Variants in UNC13B observed in about 807,000 individuals in gnomAD.
The protein encoded by UNC13B is unc-13 homolog B.
In UNC13B, 144 loss-of-function variants were observed where a neutral mutation model predicts 211.0. The observed-to-expected ratio is 0.68, with a 90% CI of 0.60 to 0.78. The LOEUF (loss-of-function observed/expected upper bound fraction) is 0.78, where lower values mean the gene tolerates loss of function less well. Among genes scored for constraint, UNC13B ranks in the 30% least tolerant of loss-of-function variants. The pLI, the probability that UNC13B is intolerant of heterozygous loss-of-function variation, is 0.00. For synonymous variants in UNC13B, 709 were observed against 725.8 expected (o/e 0.98, Z 0.37); for missense variants, 1,777 against 2,002.0 (o/e 0.89, Z 2.14).
chr9:35,171,190 C>T (rs1404212833), intron 1 of UNC13B, among the ~76,000 whole-genome samples: 3 of 152,094 alleles, frequency 2.0e-5, no homozygotes, highest in African/African-American at 7.2e-5. Flanking sequence ...TAACCTCCAT[C>T]TCCCAGGTTC....
chr9:35,294,410 G>A (rs959488085), intron 7 of UNC13B, among the ~76,000 whole-genome samples: 3 of 151,914 alleles, frequency 2.0e-5, no homozygotes, highest in South Asian at 2.1e-4. Flanking sequence ...GGGTTCAAGC[G>A]ATTCTTCCGC....
At chr9:35,329,015 C>T (rs1831214859) in intron 11 of UNC13B, among the ~76,000 whole-genome samples, 1 of 151,994 alleles carries the variant, frequency 6.6e-6, no homozygotes. Flanking sequence ...TTGTGATCCG[C>T]CCACCTCGGC....
At chr9:35,183,655 TGG>T (rs1822130533) in intron 1 of UNC13B, among the ~76,000 whole-genome samples, 1 of 51,076 alleles carries the variant, frequency 2.0e-5, no homozygotes, top group African/African-American at 8.1e-5. Flanking sequence ...TCCCAGACGA[TGG>T]GCGGCCGGGC....
intron 1 of UNC13B, among the ~76,000 whole-genome samples, chr9:35,189,620 C>G (rs1424859381): frequency 1.3e-5 from 2 of 152,168 alleles, no homozygotes; most frequent in Non-Finnish European, 2.9e-5. Flanking sequence ...ACACATATAG[C>G]AACACAAATA....
At chr9:35,252,457 AC>A (rs1400736466) in intron 6 of UNC13B, among the ~76,000 whole-genome samples, 1 of 151,790 alleles carries the variant, frequency 6.6e-6, no homozygotes, top group African/African-American at 2.4e-5. Context: ...GGCGTGCACT[AC>A]CATGCCTGGC....
chr9:35,276,038 G>A (rs555294928), intron 7 of UNC13B, among the ~76,000 whole-genome samples: 1 of 152,268 alleles, frequency 6.6e-6, no homozygotes, highest in African/African-American at 2.4e-5. Flanking sequence ...AGGTGCAATG[G>A]CTTGTGCCTG....
intron 17 of UNC13B, 131 bp from the exon 18 acceptor site, chr9:35,380,339 T>G (rs1834738688): frequency 5.1e-6 from 5 of 971,906 alleles, no homozygotes; most frequent in Non-Finnish European, 6.0e-6. Context: ...ACTTTTGTAC[T>G]GCTGTCCTCT....
At chr9:35,260,372 A>T (rs758098503) in intron 7 of UNC13B, among the ~76,000 whole-genome samples, 37 of 152,252 alleles carry the variant, frequency 2.4e-4, no homozygotes, top group Non-Finnish European at 4.7e-4. Context: ...GAGAGCAGGA[A>T]ACTGAAGCAT....
intron 11 of UNC13B, among the ~76,000 whole-genome samples, chr9:35,358,893 T>G (rs1007629963): frequency 1.4e-4 from 21 of 151,788 alleles, no homozygotes; most frequent in Non-Finnish European, 2.4e-4. Context: ...AGAGAGGAGG[T>G]TTCACCATGT....
At chr9:35,204,641 A>G (rs2131391320) in intron 1 of UNC13B, among the ~76,000 whole-genome samples, 1 of 152,234 alleles carries the variant, frequency 6.6e-6, no homozygotes, top group Non-Finnish European at 1.5e-5. Flanking sequence ...TGGGTTTGGG[A>G]CTTGCGTGGG....
Position 35,297,547 on chromosome 9 carries a change from C to CTTTTT in UNC13B, c.761+1633_761+1637dup, listed in dbSNP as rs774525517. Among the ~76,000 whole-genome samples, 154 of 100,848 alleles carry CTTTTT rather than the reference C, an allele frequency of 1.5e-3. 9 individuals are homozygous for CTTTTT. The highest frequency in any genetic ancestry group is 5.2e-3 in the African/African-American group (126 of 24,422). The allele number at this position is 100,848 out of a possible 152,430, so 66.2% of individuals were successfully genotyped here. A position where few individuals can be genotyped will look rare whatever the true frequency, so the allele number is the denominator to read the frequency against. On this transcript the variant is annotated intron_variant, in intron 8 of 39. Coordinates refer to ENST00000635942, the MANE Select transcript of UNC13B (RefSeq NM_001371189.2). ...TGCATTCAGGAAGCACATACTTTGTCTTTTTTTTTTTTTTTTTTTTGAGAC... is the reference window on the plus strand; with the variant it reads ...TGCATTCAGGAAGCACATACTTTGTCTTTTTTTTTTTTTTTTTTTTTTTTTGAGAC...
chr9:35,378,144 T>C, intron 16 of UNC13B, 151 bp from the exon 17 acceptor site: 1 of 1,131,684 alleles, frequency 8.8e-7, no homozygotes, highest in Non-Finnish European at 1.2e-6. Context: ...AGGGAAAGGC[T>C]GGTGGCCCAG....
At chr9:35,198,323 C>T (rs1376899977) in intron 1 of UNC13B, among the ~76,000 whole-genome samples, 1 of 152,116 alleles carries the variant, frequency 6.6e-6, no homozygotes. Flanking sequence ...GGTATCTTCT[C>T]CCTCTCTCTG....
intron 7 of UNC13B, among the ~76,000 whole-genome samples, chr9:35,281,875 A>C (rs1828515494): frequency 6.6e-6 from 1 of 152,222 alleles, no homozygotes; most frequent in Non-Finnish European, 1.5e-5. Context: ...AGCATGACTT[A>C]AGGTACCTTG....
In UNC13B at chr9:35,403,816, C is replaced by T. The variant is rs1445074022; in HGVS notation, c.12806C>T (p.Ala4269Val). Residue 4269 changes from alanine (A) to valine (V), a missense_variant, in exon 40 of 40, where the codon GCC becomes GTC. Physicochemically the swap from Ala to Val is moderately conservative, Grantham distance 64. Transcript: ENST00000635942. ...LQICVKDYCF[A>V]REDRVLGLAV... ...ATATGCGTGAAGGATTACTGCTTTG[C>T]CCGGGAAGATCGCGTGCTAGGGCTG... is the stretch of plus-strand genomic sequence containing the variant. The T allele has an allele frequency of 2.5e-6, 4 of 1,613,958 alleles. No homozygotes were observed. The highest frequency in any genetic ancestry group is 3.4e-6 in the Non-Finnish European group (4 of 1,180,028).
At position 35,386,285 on chromosome 9, in the gene UNC13B, T is replaced by G. The variant is rs770460480; in HGVS notation, c.11086T>G (p.Tyr3696Asp). The G allele has an allele frequency of 1.2e-6, 2 of 1,614,124 alleles. No individual in the cohort carries two copies. Among genetic ancestry groups the G allele is most frequent in the Non-Finnish European group, 1.7e-6 (2 of 1,179,984 alleles). ...CTGCCACGACTTATACAGCCGCCAG[T>G]ACCAGCTGGTAAGAGGTTCAGGATC... ...NNCHDLYSRQ[Y>D]QLKQELPPEE... The change falls in exon 24 of 40, where the codon TAC (tyrosine) becomes GAC (aspartate). Residue 3696 changes from tyrosine (Y) to aspartate (D), a missense_variant. Coordinates refer to ENST00000635942, the MANE Select transcript of UNC13B (RefSeq NM_001371189.2).
chr9:35,193,317 T>G (rs1396023400), intron 1 of UNC13B, among the ~76,000 whole-genome samples: 2 of 152,074 alleles, frequency 1.3e-5, no homozygotes, highest in African/African-American at 2.4e-5. Flanking sequence ...CCTTACTAAT[T>G]AAGTACCATT....
chr9:35,369,973 G>A (rs1834012419), intron 12 of UNC13B, among the ~76,000 whole-genome samples: 1 of 152,124 alleles, frequency 6.6e-6, no homozygotes, highest in South Asian at 2.1e-4. Flanking sequence ...CCTGAATGTG[G>A]GGAGAAGCCC....
chr9:35,392,573 A>G (rs940816048), intron 26 of UNC13B, among the ~76,000 whole-genome samples: 1 of 146,732 alleles, frequency 6.8e-6, no homozygotes, highest in Non-Finnish European at 1.5e-5. Flanking sequence ...ATTCTCACTC[A>G]TAGGTGGGAA....
Sources: gnomAD v4.1 joint callset for allele counts (sites outside exome capture counted in the v4.1 genomes callset) on GRCh38, gnomAD v4.1.1 for gene constraint, MANE v1.5 for transcripts, NCBI Gene and HGNC (gene_info 2026-07-23, HGNC 2026-07-21) for gene names.